PYY: variants seen among roughly 807,000 people sequenced by gnomAD.
The protein encoded by PYY is peptide tyrosine tyrosine.
In PYY, 12 loss-of-function variants were observed where a neutral mutation model predicts 10.3. That is an observed-to-expected ratio of 1.17 (90% confidence interval 0.75 to 1.89). The LOEUF is 1.89. Ranked by LOEUF, PYY falls within the 40% of genes most tolerant of loss-of-function variation. The probability of loss-of-function intolerance (pLI) is 0.00; values close to 1 mark genes in which losing one functional copy is unlikely to be tolerated. For synonymous variants in PYY, 66 were observed against 62.0 expected (o/e 1.06, Z -0.30); for missense variants, 141 against 134.0 (o/e 1.05, Z -0.26).
rs1300029870 is a variant in PYY at position 43,987,192 on chromosome 17, T to G, written c.-463+17199A>C. The stretch of plus-strand genomic sequence containing the variant: ...CATCAGACTGGGCAGAGCTCTCCCC[T>G]CCCTTGCCCTTATTAATTGCACCTG... On this transcript the variant is annotated intron_variant, in intron 1 of 6. Transcript: ENST00000360085. The surrounding 1 kb of genome is among the most constrained non-coding windows in gnomAD (Gnocchi z 4.0). Among the ~76,000 whole-genome samples the G allele has an allele frequency of 6.6e-6, 1 of 151,986 alleles. No individual in the cohort carries two copies. The highest frequency in any genetic ancestry group is 1.5e-5 in the Non-Finnish European group (1 of 67,994).
chr17:43,961,022 A>G lies in PYY; in HGVS notation c.-217-2994T>C, dbSNP rs143274822. On this transcript the variant is annotated intron_variant, in intron 2 of 6. Transcript: ENST00000360085. The stretch of plus-strand genomic sequence containing the variant: ...GGACACTTGAGCCCAGGAATTTGAG[A>G]CCAGCCTGGGCAACATAACAGGATC... 9.5e-3 allele frequency among the ~76,000 whole-genome samples: 1,440 copies of G among 152,106 alleles called. 13 individuals are homozygous for G. The highest frequency in any genetic ancestry group is 0.015 in the Non-Finnish European group (1,042 of 67,978).
chr17:43,995,855 A>G (rs1201859775), intron 1 of PYY, among the ~76,000 whole-genome samples: 1 of 150,072 alleles, frequency 6.7e-6, no homozygotes, highest in African/African-American at 2.4e-5. Context: ...AACGAAAAGA[A>G]GAGAAATGCA....
intron 1 of PYY, among the ~76,000 whole-genome samples, chr17:43,978,325 AG>A (rs2048862023): frequency 6.6e-6 from 1 of 150,814 alleles, no homozygotes; most frequent in Admixed American, 6.6e-5. Context: ...AAGGAAGGGA[AG>A]GGAAGAAAAG....
intron 2 of PYY, among the ~76,000 whole-genome samples, chr17:43,959,459 C>T (rs895447418): frequency 1.1e-4 from 17 of 152,160 alleles, no homozygotes; most frequent in Non-Finnish European, 2.2e-4. Flanking sequence ...CCAAGGCGGG[C>T]GGATCACCTG....
intron 1 of PYY, among the ~76,000 whole-genome samples, chr17:43,973,448 T>C (rs2143922716): frequency 6.6e-6 from 1 of 152,314 alleles, no homozygotes; most frequent in Admixed American, 6.5e-5. Context: ...CTTGAGGCAT[T>C]CATCCAGCGC....
upstream of PYY, among the ~76,000 whole-genome samples, chr17:43,958,630 T>C (rs937852427): frequency 6.6e-6 from 1 of 152,222 alleles, no homozygotes; most frequent in African/African-American, 2.4e-5. Flanking sequence ...TCCGCCTGCC[T>C]TGGCCTCCCA....
upstream of PYY, among the ~76,000 whole-genome samples, chr17:43,955,861 A>T (rs1248889884): frequency 1.3e-5 from 2 of 151,930 alleles, no homozygotes; most frequent in Non-Finnish European, 2.9e-5. Flanking sequence ...GCTGGTTAGG[A>T]CATCTGTGAT....
chr17:43,964,647 G>A (rs1416067231), intron 2 of PYY, among the ~76,000 whole-genome samples: 1 of 152,168 alleles, frequency 6.6e-6, no homozygotes, highest in East Asian at 1.9e-4. Context: ...CTACTTGAGA[G>A]GATGAGGCAG....
At position 43,987,842 on chromosome 17, in the gene PYY, T is replaced by C. The variant is rs1262205598; in HGVS notation, c.-463+16549A>G. ...ATGAACAGAGAACTAAAATTAGCAA[T>C]AGGGAGGGAGGAAGGGGGCAAGGAT... On this transcript the variant is annotated intron_variant, in intron 1 of 6. Coordinates refer to the PYY transcript ENST00000360085. This position sits in a 1 kb window ranked among gnomAD's most constrained non-coding sequence, Gnocchi z 4.0. Among the ~76,000 whole-genome samples the C allele has an allele frequency of 5.3e-5, 8 of 151,874 alleles. No homozygotes were observed. The highest frequency in any genetic ancestry group is 1.0e-4 in the Non-Finnish European group (7 of 67,972).
At chr17:43,976,266 C>CACATACGTATATATACAT (rs2048841391) in intron 1 of PYY, among the ~76,000 whole-genome samples, 1 of 137,284 alleles carries the variant, frequency 7.3e-6, no homozygotes, top group South Asian at 2.2e-4. Context: ...TACATGTATA[C>CACATACGTATATATACAT]ATGTACGTAT....
At chr17:43,997,582 G>A (rs1207179766) in intron 1 of PYY, among the ~76,000 whole-genome samples, 3 of 152,090 alleles carry the variant, frequency 2.0e-5, no homozygotes, top group African/African-American at 4.8e-5. Context: ...CAAGGACTTC[G>A]ACTTTTACTC....
At chr17:43,953,212 C>A in intron 2 of PYY, 23 bp from the exon 3 acceptor site, 4 of 1,606,434 alleles carry the variant, frequency 2.5e-6, no homozygotes, top group Non-Finnish European at 3.4e-6. Context: ...AAGGGAAGAG[C>A]GTGGTCAGAT....
chr17:43,981,828 A>T (rs907051737), intron 1 of PYY, among the ~76,000 whole-genome samples: 5 of 151,958 alleles, frequency 3.3e-5, no homozygotes. Context: ...CTCTGTTGTG[A>T]ATTGTCTGAC....
chr17:43,955,739 A>G (rs961097625), upstream of PYY, among the ~76,000 whole-genome samples: 1 of 152,186 alleles, frequency 6.6e-6, no homozygotes, highest in Non-Finnish European at 1.5e-5. Context: ...ACAGAGAGAC[A>G]GAGACAGCCT....
At chr17:43,999,055 T>C (rs2049008461) in intron 1 of PYY, among the ~76,000 whole-genome samples, 1 of 152,028 alleles carries the variant, frequency 6.6e-6, no homozygotes, top group Non-Finnish European at 1.5e-5. Flanking sequence ...GACCAAGGCC[T>C]GAGCTCTGTG....
intron 1 of PYY, among the ~76,000 whole-genome samples, chr17:44,002,196 C>G (rs192502178): frequency 6.6e-6 from 1 of 152,150 alleles, no homozygotes; most frequent in Non-Finnish European, 1.5e-5. Flanking sequence ...AGAGTCTCCC[C>G]CCCGGGACAG....
chr17:43,977,321 G>A (rs2048855730), intron 1 of PYY, among the ~76,000 whole-genome samples: 1 of 152,144 alleles, frequency 6.6e-6, no homozygotes, highest in African/African-American at 2.4e-5. Context: ...AGGGTGGAAG[G>A]TGACAGCAGA....
intron 3 of PYY, 21 bp downstream of exon 3, chr17:43,953,088 T>C: frequency 6.2e-7 from 1 of 1,612,938 alleles, no homozygotes; most frequent in Non-Finnish European, 8.5e-7. Flanking sequence ...ATGCAGGATG[T>C]GTGGTAACGG....
chr17:43,989,058 G>A (rs578229208), intron 1 of PYY, among the ~76,000 whole-genome samples: 5 of 46,634 alleles, frequency 1.1e-4, no homozygotes, highest in East Asian at 1.7e-3. Context: ...CACCGCACCC[G>A]GCCCTAGCAT....
Sources: gnomAD v4.1 joint callset for allele counts (sites outside exome capture counted in the v4.1 genomes callset) on GRCh38, gnomAD v4.1.1 for gene constraint, Gnocchi (gnomAD v3.1) non-coding constraint, MANE v1.5 for transcripts, NCBI Gene and HGNC (gene_info 2026-07-23, HGNC 2026-07-21) for gene names.